MYOM2: variants seen among roughly 807,000 people sequenced by gnomAD.
The protein encoded by MYOM2 is myomesin-2.
In MYOM2, 254 loss-of-function variants were observed where a neutral mutation model predicts 187.6. The ratio of observed to expected loss-of-function variants is 1.35; its 90% CI spans 1.22 to 1.50. The LOEUF (loss-of-function observed/expected upper bound fraction) is 1.50, where lower values mean the gene tolerates loss of function less well. Among genes scored for constraint, MYOM2 ranks in the 40% most tolerant of loss-of-function variants. The pLI is 0.00. For synonymous variants in MYOM2, 981 were observed against 753.8 expected (o/e 1.30, Z -4.94); for missense variants, 2,796 against 1,924.0 (o/e 1.45, Z -8.48).
chr8:2,120,698 T>TATA lies in MYOM2; in HGVS notation c.3454-2553_3454-2551dup, dbSNP rs1797420066. Among the ~76,000 whole-genome samples the TATA allele has an allele frequency of 1.8e-4, 21 of 116,558 alleles. 1 individual carries two copies. Among genetic ancestry groups the TATA allele is most frequent in the African/African-American group, 6.7e-4 (20 of 29,796 alleles). 76.5% of individuals were successfully genotyped at this position (116,558 alleles called of 152,430 possible). On this transcript the variant is annotated intron_variant, in intron 28 of 36. Transcript: ENST00000262113. ...TATTATATTATATATAAATATATAA[T>TATA]ATATATATTTTAATTGCCAATCTAA...
intron 1 of MYOM2, among the ~76,000 whole-genome samples, chr8:2,049,124 G>A (rs112452273): frequency 0.034 from 5,113 of 152,276 alleles, 148 homozygotes; most frequent in Middle Eastern, 0.078. Flanking sequence ...GCAACGTTCC[G>A]TTATATCCCT....
intron 1 of MYOM2, among the ~76,000 whole-genome samples, chr8:2,049,298 A>G (rs995723794): frequency 6.6e-6 from 1 of 152,174 alleles, no homozygotes. Context: ...AGCCTCTTCT[A>G]CATGCTTTTG....
chr8:2,073,497 A>T lies in MYOM2; in HGVS notation c.1117A>T (p.Arg373Ter), dbSNP rs1819309204. The T allele has an allele frequency of 1.2e-6, 2 of 1,601,160 alleles. No individual in the cohort carries two copies. The change falls in exon 10 of 37, where the codon AGA (arginine) becomes TGA (stop). Residue 373 changes from arginine to a stop codon, truncating the protein, a stop_gained. Coordinates refer to ENST00000262113, the MANE Select transcript of MYOM2 (RefSeq NM_003970.4). LOFTEE classifies it high-confidence loss of function. ...CGACCACAGCGCCTTCCTGTTTGTC[A>T]GAGGTGCGGGCAGCAGGGTTCTCAG... ...VSDHSAFLFV[R>*]DADPLVTGAP...
At chr8:2,081,597 T>A (rs548227726) in intron 13 of MYOM2, among the ~76,000 whole-genome samples, 1 of 152,208 alleles carries the variant, frequency 6.6e-6, no homozygotes. Flanking sequence ...ATGTCACTTA[T>A]CTGTGATGAA....
In MYOM2 at chr8:2,078,938, G is replaced by C. The variant is rs750026045; in HGVS notation, c.1462+5G>C. ...TGGACCTCAGAAGGTTACAAGGTAA[G>C]CTGCTCACGCCTAAGTATCCACTGT... On this transcript the variant is annotated splice_donor_5th_base_variant and intron_variant, in intron 12 of 36. Transcript: ENST00000262113. 6.2e-7 allele frequency: 1 copy of C among 1,613,330 alleles called. No individual in the cohort carries two copies. Among genetic ancestry groups the C allele is most frequent in the Non-Finnish European group, 8.5e-7 (1 of 1,179,606 alleles).
At chr8:2,072,772 C>T (rs901257686) in intron 9 of MYOM2, among the ~76,000 whole-genome samples, 1 of 152,192 alleles carries the variant, frequency 6.6e-6, no homozygotes, top group South Asian at 2.1e-4. Context: ...AGAATGATCT[C>T]GTGCCATTTA....
At chr8:2,109,682 A>T (rs1797006715) in intron 25 of MYOM2, 151 bp downstream of exon 25, 1 of 835,606 alleles carries the variant, frequency 1.2e-6, no homozygotes, top group Non-Finnish European at 1.8e-6. Flanking sequence ...ATGAATGGAG[A>T]TGGTTGATTC....
chr8:2,051,058 G>A (rs1392321185), intron 2 of MYOM2, among the ~76,000 whole-genome samples, 185 bp downstream of exon 2: 2 of 152,196 alleles, frequency 1.3e-5, no homozygotes, highest in Non-Finnish European at 2.9e-5. Flanking sequence ...CTGGCGTAGT[G>A]TTCTGGCAGG....
intron 31 of MYOM2, among the ~76,000 whole-genome samples, chr8:2,125,355 T>C (rs1343323086): frequency 6.6e-6 from 1 of 152,212 alleles, no homozygotes; most frequent in Non-Finnish European, 1.5e-5. Context: ...TGTCTTTCCC[T>C]ATTGTGTCTT....
At chr8:2,113,801 C>T (rs537873796) in intron 25 of MYOM2, among the ~76,000 whole-genome samples, 13 of 152,318 alleles carry the variant, frequency 8.5e-5, no homozygotes, top group Admixed American at 6.5e-5. Flanking sequence ...CCACAGATGG[C>T]AGGGTGAGCT....
intron 1 of MYOM2, among the ~76,000 whole-genome samples, chr8:2,046,273 C>T (rs1452653025): frequency 6.6e-6 from 1 of 152,190 alleles, no homozygotes; most frequent in Non-Finnish European, 1.5e-5. Flanking sequence ...ACGTTGTTTG[C>T]AGGAAGGAAT....
chr8:2,113,217 C>T (rs1054367627), intron 25 of MYOM2, among the ~76,000 whole-genome samples: 18 of 152,336 alleles, frequency 1.2e-4, no homozygotes, highest in South Asian at 4.1e-4. Flanking sequence ...ATTCCCTCGA[C>T]GCCATCGTGC....
intron 36 of MYOM2, among the ~76,000 whole-genome samples, chr8:2,144,281 A>G (rs1798378707): frequency 1.3e-5 from 2 of 151,634 alleles, no homozygotes; most frequent in South Asian, 4.1e-4. Context: ...TTGCCAGAGG[A>G]ACTGGTAAGA....
intron 32 of MYOM2, among the ~76,000 whole-genome samples, chr8:2,130,870 CTA>C (rs1797840076): frequency 6.6e-6 from 1 of 152,180 alleles, no homozygotes. Flanking sequence ...ATGAGTAAAT[CTA>C]TGTTTCTAGC....
chr8:2,141,627 C>A (rs1295182951), intron 34 of MYOM2, among the ~76,000 whole-genome samples: 2 of 152,058 alleles, frequency 1.3e-5, no homozygotes, highest in Admixed American at 1.3e-4. Context: ...GGTTGGAATA[C>A]CTCTGGTTGG....
intron 18 of MYOM2, chr8:2,098,094 C>T (rs550439639): frequency 6.6e-6 from 1 of 152,348 alleles, no homozygotes; most frequent in Non-Finnish European, 1.5e-5. Context: ...TTTACTCGGT[C>T]CGAGATTCCT....
chr8:2,078,923 A>T lies in MYOM2; in HGVS notation c.1452A>T (p.Arg484Ser). 6.2e-7 allele frequency: 1 copy of T among 1,613,776 alleles called. No homozygotes were observed. The highest frequency in any genetic ancestry group is 1.7e-5 in the Admixed American group (1 of 60,018). Residue 484 changes from arginine to serine, a missense_variant, in exon 12 of 37, where the codon AGA becomes AGT. Arg to Ser is a moderately radical substitution (Grantham distance 110, BLOSUM62 -1). Transcript: ENST00000262113. ...AVAALDPLDL[R>S]RLQAVHLEGE... is the part of the protein sequence containing the mutation. ...CTGCACTTGACCCCTTGGACCTCAGAAGGTTACAAGGTAAGCTGCTCACGC... is the reference window on the plus strand; with the variant it reads ...CTGCACTTGACCCCTTGGACCTCAGTAGGTTACAAGGTAAGCTGCTCACGC...
At chr8:2,047,139 G>A (rs907430584) in intron 1 of MYOM2, among the ~76,000 whole-genome samples, 3 of 152,190 alleles carry the variant, frequency 2.0e-5, no homozygotes, top group African/African-American at 7.2e-5. Flanking sequence ...GATAAGGGAT[G>A]CTCCACCTGT....
chr8:2,070,957 T>C (rs1819193695), intron 8 of MYOM2, among the ~76,000 whole-genome samples: 1 of 151,820 alleles, frequency 6.6e-6, no homozygotes, highest in African/African-American at 2.4e-5. Flanking sequence ...CTTTTTAAAT[T>C]TTTTATTTTT....
Sources: allele counts gnomAD v4.1 joint callset (sites outside exome capture counted in the v4.1 genomes callset), GRCh38; gene constraint gnomAD v4.1.1; transcripts MANE v1.5; gene names NCBI Gene and HGNC (gene_info 2026-07-23, HGNC 2026-07-21).